COBL: variants seen among roughly 807,000 people sequenced by gnomAD.
The protein encoded by COBL is cordon-bleu WH2 repeat protein.
COBL carries 51 observed loss-of-function variants against 98.8 expected under a neutral mutation model. That is an observed-to-expected ratio of 0.52 (90% confidence interval 0.41 to 0.65). The LOEUF (loss-of-function observed/expected upper bound fraction) is 0.65, where lower values mean the gene tolerates loss of function less well. Ranked by LOEUF, COBL falls within the 30% of genes least tolerant of loss-of-function variation. The probability of loss-of-function intolerance (pLI) is 0.00; values close to 1 mark genes in which losing one functional copy is unlikely to be tolerated. For synonymous variants in COBL, 634 were observed against 651.7 expected, an observed-to-expected ratio of 0.97 and a Z score of 0.41; for missense variants, 1,617 against 1,617.5, an observed-to-expected ratio of 1.00 and a Z score of 0.01.
intron 5 of COBL, among the ~76,000 whole-genome samples, chr7:51,168,778 A>C (rs1787576971): frequency 1.3e-5 from 2 of 152,242 alleles, no homozygotes; most frequent in African/African-American, 4.8e-5. Context: ...ACATACCCAA[A>C]AGAAAGGAAA....
chr7:51,221,214 T>C (rs1029629930), intron 1 of COBL, among the ~76,000 whole-genome samples: 2 of 152,058 alleles, frequency 1.3e-5, no homozygotes, highest in African/African-American at 4.8e-5. Context: ...AGTTAGAGGG[T>C]CCACAGAGAG....
chr7:51,029,056 GTTT>G lies in COBL; in HGVS notation c.2037_2039del (p.Lys679del). 1 of 1,614,180 alleles carries G rather than the reference GTTT, an allele frequency of 6.2e-7. No individual in the cohort carries two copies. Among genetic ancestry groups the G allele is most frequent in the Admixed American group, 1.7e-5 (1 of 60,026 alleles). On this transcript the variant is annotated inframe_deletion, in exon 10 of 13. Transcript: ENST00000265136. ...GCCATGATGTTGGTGCCAAGGCAGC[GTTT>G]TTATCGTTGCTGTCCTTTTCATTCA...
At chr7:51,283,234 T>C (rs1460622157) in intron 1 of COBL, among the ~76,000 whole-genome samples, 2 of 151,538 alleles carry the variant, frequency 1.3e-5, no homozygotes, top group Non-Finnish European at 1.5e-5. Flanking sequence ...GAGAAACCTA[T>C]AAAAAGAATG....
At chr7:51,217,136 A>T (rs1482611189) in intron 2 of COBL, among the ~76,000 whole-genome samples, 1 of 152,214 alleles carries the variant, frequency 6.6e-6, no homozygotes, top group African/African-American at 2.4e-5. Context: ...CTAAGGCTGC[A>T]CCTATTCTCA....
chr7:51,310,103 G>A (rs1017747579), intron 1 of COBL, among the ~76,000 whole-genome samples: 2 of 152,230 alleles, frequency 1.3e-5, no homozygotes, highest in African/African-American at 2.4e-5. Flanking sequence ...GGAACTAGCC[G>A]CACACAGCTA....
chr7:51,303,460 G>A (rs1385812064), intron 1 of COBL, among the ~76,000 whole-genome samples: 2 of 152,258 alleles, frequency 1.3e-5, no homozygotes, highest in East Asian at 1.9e-4. Flanking sequence ...ACGGCCACTG[G>A]AGGTGAGAGG....
Position 51,026,643 on chromosome 7 carries a change from C to A in COBL, c.3407G>T (p.Gly1136Val). 1 of 1,614,038 alleles carries A rather than the reference C, an allele frequency of 6.2e-7. No homozygotes were observed. The highest frequency in any genetic ancestry group is 1.1e-5 in the South Asian group (1 of 91,086). Residue 1136 changes from glycine to valine, a missense_variant, in exon 11 of 13, where the codon GGC (glycine) becomes GTC (valine). Around this residue, in one of 3 missense-constraint regions of COBL, gnomAD observed 1,304 missense variants for 1,282.0 expected, o/e 1.02. Transcript: ENST00000265136. ...CGTGTAGGACAGTTTCGCTGGCCTGCCCTCCCCGGTGTGTTCTGCCGTCTA... is the reference window on the plus strand; with the variant it reads ...CGTGTAGGACAGTTTCGCTGGCCTGACCTCCCCGGTGTGTTCTGCCGTCTA... Reference protein sequence around the residue: ...LRKTAEHTGEGRPAKLSYTEA... With the variant: ...LRKTAEHTGEVRPAKLSYTEA...
rs1267135060 is a variant in COBL, at chr7:51,027,923, G to A, written c.3173C>T (p.Thr1058Ile). The A allele has an allele frequency of 6.2e-7, 1 of 1,614,010 alleles. No individual in the cohort carries two copies. The highest frequency in any genetic ancestry group is 2.2e-5 in the East Asian group (1 of 44,868). ...EPSHPPGGSG[T>I]ESHILLEREE... is the part of the protein sequence containing the mutation. ...TCTTTCTAGGAGAATGTGGCTTTCT[G>A]TGCCAGACCCTCCTGGAGGGTGGGA... The change falls in exon 10 of 13, where the codon ACA becomes ATA. Residue 1058 changes from threonine (T) to isoleucine (I), a missense_variant. By Grantham distance (89) the Thr-to-Ile change is moderately conservative (BLOSUM62 -1). Around this residue, in one of 3 missense-constraint regions of COBL, gnomAD observed 1,304 missense variants for 1,282.0 expected, o/e 1.02. Coordinates refer to ENST00000265136, the MANE Select transcript of COBL (RefSeq NM_015198.5).
intron 6 of COBL, among the ~76,000 whole-genome samples, chr7:51,131,237 C>T (rs956468639): frequency 1.3e-5 from 2 of 152,086 alleles, no homozygotes; most frequent in African/African-American, 2.4e-5. Context: ...GCTGGAATAA[C>T]TTTAAAATAT....
At chr7:51,106,128 A>G (rs537224418) in intron 6 of COBL, among the ~76,000 whole-genome samples, 2 of 142,752 alleles carry the variant, frequency 1.4e-5, no homozygotes, top group South Asian at 4.5e-4. Context: ...TGCTTGAACC[A>G]GGGTGGTGGA....
chr7:51,309,273 C>A (rs969630967), intron 1 of COBL, among the ~76,000 whole-genome samples: 1 of 152,108 alleles, frequency 6.6e-6, no homozygotes, highest in African/African-American at 2.4e-5. Context: ...GGGTGCATCT[C>A]CCCCTCCTCA....
chr7:51,196,589 A>G (rs1020038187), intron 2 of COBL, among the ~76,000 whole-genome samples: 1 of 152,062 alleles, frequency 6.6e-6, no homozygotes, highest in African/African-American at 2.4e-5. Flanking sequence ...TAGTAATAGT[A>G]CCAGTTCTTC....
intron 7 of COBL, among the ~76,000 whole-genome samples, chr7:51,063,295 C>T (rs1303213176): frequency 2.0e-5 from 3 of 151,984 alleles, no homozygotes; most frequent in Non-Finnish European, 4.4e-5. Context: ...CCACCGCGCC[C>T]GGCTAATTTT....
At chr7:51,262,434 C>T (rs1797803154) in intron 1 of COBL, among the ~76,000 whole-genome samples, 2 of 152,160 alleles carry the variant, frequency 1.3e-5, no homozygotes, top group South Asian at 2.1e-4. Flanking sequence ...GTCAGTAGGA[C>T]CATACAAACA....
chr7:51,151,711 T>C (rs975972915), intron 5 of COBL, among the ~76,000 whole-genome samples: 2 of 152,214 alleles, frequency 1.3e-5, no homozygotes, highest in Admixed American at 6.5e-5. Context: ...GCTCAGGCTT[T>C]AGGACAAACT....
intron 1 of COBL, among the ~76,000 whole-genome samples, chr7:51,224,094 T>A (rs1438183739): frequency 6.6e-6 from 1 of 152,138 alleles, no homozygotes; most frequent in Non-Finnish European, 1.5e-5. Context: ...GCCGCACAGG[T>A]TTGCAGCCCA....
intron 11 of COBL, 142 bp from the exon 12 acceptor site, chr7:51,025,514 G>T: frequency 1.3e-6 from 1 of 788,212 alleles, no homozygotes; most frequent in Non-Finnish European, 2.0e-6. Context: ...TCATGAATGG[G>T]ATTAGTGCTC....
At chr7:51,287,376 A>G (rs1800464859) in intron 1 of COBL, among the ~76,000 whole-genome samples, 1 of 152,244 alleles carries the variant, frequency 6.6e-6, no homozygotes, top group South Asian at 2.1e-4. Flanking sequence ...GTAAATAAAC[A>G]CATAAAGCTT....
chr7:51,233,753 T>C (rs1794984361), intron 1 of COBL, among the ~76,000 whole-genome samples: 1 of 152,154 alleles, frequency 6.6e-6, no homozygotes, highest in African/African-American at 2.4e-5. Flanking sequence ...ACACCACAGT[T>C]CAGGGAAACG....
Sources: allele counts gnomAD v4.1 joint callset (sites outside exome capture counted in the v4.1 genomes callset), GRCh38; gene constraint gnomAD v4.1.1; regional missense constraint gnomAD v4.1.1; transcripts MANE v1.5; gene names NCBI Gene and HGNC (gene_info 2026-07-23, HGNC 2026-07-21).